The following IBTK variants were observed in gnomAD, a reference collection of about 807,000 sequenced individuals.
The protein encoded by IBTK is inhibitor of Bruton tyrosine kinase, also known as BTK-binding protein.
A neutral mutation model predicts 154.9 loss-of-function variants in IBTK; 83 were observed. The observed-to-expected ratio is 0.54, with a 90% CI of 0.45 to 0.64. IBTK has a LOEUF of 0.64. Among genes scored for constraint, IBTK ranks in the 30% least tolerant of loss-of-function variants. The probability of loss-of-function intolerance (pLI) is 0.00; values close to 1 mark genes in which losing one functional copy is unlikely to be tolerated. For missense variants in IBTK, 1,332 were observed against 1,584.6 expected (o/e 0.84, Z 2.71); for synonymous variants, 515 against 536.1 (o/e 0.96, Z 0.54).
chr6:82,184,374 T>C (rs1393218706), intron 25 of IBTK, among the ~76,000 whole-genome samples: 5 of 152,206 alleles, frequency 3.3e-5, no homozygotes, highest in South Asian at 2.1e-4. Flanking sequence ...AATTGTTTTA[T>C]ATTGTATGGG....
At chr6:82,201,656 C>T (rs1373198961) in intron 18 of IBTK, among the ~76,000 whole-genome samples, 174 bp from the exon 19 acceptor site, 1 of 152,052 alleles carries the variant, frequency 6.6e-6, no homozygotes, top group Non-Finnish European at 1.5e-5. Context: ...TTGTATATTA[C>T]ATATTTCAAA....
chr6:82,243,266 G>A (rs1771024387), intron 1 of IBTK, among the ~76,000 whole-genome samples: 1 of 151,236 alleles, frequency 6.6e-6, no homozygotes, highest in Non-Finnish European at 1.5e-5. Flanking sequence ...GTGTTTGGTA[G>A]CAAAGAGAAA....
intron 27 of IBTK, chr6:82,172,793 A>G: frequency 3.2e-6 from 1 of 316,886 alleles, no homozygotes; most frequent in Non-Finnish European, 5.8e-6. Flanking sequence ...CAGAATGATG[A>G]GGTGAGAAAC....
intron 6 of IBTK, among the ~76,000 whole-genome samples, chr6:82,224,635 G>A (rs529400152): frequency 1.9e-3 from 291 of 152,294 alleles, no homozygotes; most frequent in Non-Finnish European, 3.4e-3. Flanking sequence ...ACCTTCTGGA[G>A]ATGGCTGTGC....
At chr6:82,236,727 C>T (rs1770731519) in intron 2 of IBTK, among the ~76,000 whole-genome samples, 2 of 152,096 alleles carry the variant, frequency 1.3e-5, no homozygotes, top group African/African-American at 2.4e-5. Flanking sequence ...GTGGTTTCTT[C>T]CTGATAATCC....
rs190375435 is a variant in IBTK, at chr6:82,199,967, G to C, written c.3025+174C>G. Reference sequence around the variant, plus strand: ...AGAGGACTTCCCTGATCTCAGATTAGTTTGAGTACCTCTTTTGTGCTCCCA... The same window carrying C: ...AGAGGACTTCCCTGATCTCAGATTACTTTGAGTACCTCTTTTGTGCTCCCA... On this transcript the variant is annotated intron_variant, in intron 21 of 28. Coordinates refer to ENST00000306270, the MANE Select transcript of IBTK (RefSeq NM_015525.4). Among the ~76,000 whole-genome samples the C allele has an allele frequency of 3.2e-4, 48 of 152,266 alleles. 1 individual carries two copies. The highest frequency in any genetic ancestry group is 1.1e-3 in the African/African-American group (47 of 41,562).
At position 82,194,652 on chromosome 6, in the gene IBTK, G is replaced by GA. The variant is rs770879612; in HGVS notation, c.3175-11dup. On this transcript the variant is annotated splice_polypyrimidine_tract_variant and intron_variant, in intron 22 of 28. Transcript: ENST00000306270. ...ACGGTTTGACTTTCGCCTGGGGAGA[G>GA]AAAAAAAATAAAAAAAGTTAACAGG... The GA allele has an allele frequency of 2.6e-5, 40 of 1,540,820 alleles. No homozygotes were observed. The highest frequency in any genetic ancestry group is 3.5e-4 in the Middle Eastern group (2 of 5,730).
At chr6:82,172,997 TCTC>T (rs1767982528) in intron 27 of IBTK, 2 of 173,386 alleles carry the variant, frequency 1.2e-5, no homozygotes, top group African/African-American at 5.4e-5. Flanking sequence ...ATTCTCTTAT[TCTC>T]TTTTTTTTTT....
At chr6:82,200,394 TTATG>T (rs1769157831) in intron 20 of IBTK, 141 bp from the exon 21 acceptor site, 11 of 739,098 alleles carry the variant, frequency 1.5e-5, no homozygotes, top group Admixed American at 5.8e-5. Flanking sequence ...CAGATATTAA[TTATG>T]TATTTACTTT....
chr6:82,198,597 C>CT (rs1016873692), intron 21 of IBTK, among the ~76,000 whole-genome samples: 2 of 151,668 alleles, frequency 1.3e-5, no homozygotes, highest in South Asian at 2.1e-4. Flanking sequence ...GCCTAACAAG[C>CT]TTTTTTTTCC....
intron 3 of IBTK, 147 bp from the exon 4 acceptor site, chr6:82,231,989 C>T (rs1241609891): frequency 1.8e-5 from 9 of 502,140 alleles, no homozygotes; most frequent in African/African-American, 3.9e-5. Flanking sequence ...ATAGAAAATC[C>T]AAATCATAGT....
intron 1 of IBTK, among the ~76,000 whole-genome samples, chr6:82,245,606 G>C (rs1347488110): frequency 6.6e-6 from 1 of 151,984 alleles, no homozygotes; most frequent in Non-Finnish European, 1.5e-5. Flanking sequence ...CTGGGTGAGA[G>C]CACATTTGAA....
At chr6:82,182,694 G>A (rs916378560) in intron 25 of IBTK, among the ~76,000 whole-genome samples, 1 of 152,060 alleles carries the variant, frequency 6.6e-6, no homozygotes, top group Non-Finnish European at 1.5e-5. Context: ...CCATATTTAG[G>A]CACATAATAA....
chr6:82,243,971 C>T (rs966279602), intron 1 of IBTK, among the ~76,000 whole-genome samples: 10 of 152,054 alleles, frequency 6.6e-5, no homozygotes, highest in Non-Finnish European at 8.8e-5. Context: ...ATACTATGAA[C>T]ATAAACATGG....
Position 82,234,225 on chromosome 6 carries a change from CTTT to C in IBTK, c.349_351del (p.Lys117del). 8.1e-6 allele frequency: 13 copies of C among 1,601,228 alleles called. No homozygotes were observed. The highest frequency in any genetic ancestry group is 2.2e-5 in the East Asian group (1 of 44,542). On this transcript the variant is annotated inframe_deletion, in exon 3 of 29. Transcript: ENST00000306270. ...ACAAGATCCAAAGCTGACAAGCCTT[CTTT>C]ATCTTGAATATACAGACTAACACCA...
intron 1 of IBTK, among the ~76,000 whole-genome samples, chr6:82,241,305 A>C (rs185115089): frequency 2.2e-4 from 34 of 152,200 alleles, no homozygotes; most frequent in African/African-American, 6.7e-4. Flanking sequence ...CATCTTTCTA[A>C]GAATCCCATC....
At chr6:82,182,176 T>C (rs550716932) in intron 25 of IBTK, 148 bp from the exon 26 acceptor site, 4 of 693,738 alleles carry the variant, frequency 5.8e-6, no homozygotes, top group South Asian at 2.1e-5. Flanking sequence ...TTGCTGCCAA[T>C]TGTGAAATAT....
intron 7 of IBTK, 55 bp downstream of exon 7, chr6:82,224,013 A>G (rs1218991350): frequency 1.0e-6 from 1 of 958,946 alleles, no homozygotes; most frequent in Non-Finnish European, 1.6e-6. Flanking sequence ...AAGAAAAGAT[A>G]ATTTTTTAAA....
intron 10 of IBTK, among the ~76,000 whole-genome samples, chr6:82,216,508 C>T (rs570581209): frequency 4.6e-5 from 7 of 152,294 alleles, no homozygotes; most frequent in Non-Finnish European, 1.0e-4. Flanking sequence ...ATCCTCCATA[C>T]TGCAACCAAA....
Sources: gnomAD v4.1 joint callset for allele counts (sites outside exome capture counted in the v4.1 genomes callset) on GRCh38, gnomAD v4.1.1 for gene constraint, MANE v1.5 for transcripts, NCBI Gene and HGNC (gene_info 2026-07-23, HGNC 2026-07-21) for gene names.